The following TTC29 variants were observed in gnomAD, a reference collection of about 807,000 sequenced individuals.
TTC29 encodes the protein tetratricopeptide repeat protein 29.
TTC29 carries 49 observed loss-of-function variants against 58.1 expected under a neutral mutation model. That is an observed-to-expected ratio of 0.84 (90% CI 0.67 to 1.07). TTC29 has a LOEUF of 1.07. Among genes scored for constraint, TTC29 ranks in the 50% least tolerant of loss-of-function variants. The pLI, the probability that TTC29 is intolerant of heterozygous loss-of-function variation, is 0.00. For missense variants in TTC29, 582 were observed against 555.6 expected, an observed-to-expected ratio of 1.05 and a Z score of -0.48; for synonymous variants, 209 against 196.8, an observed-to-expected ratio of 1.06 and a Z score of -0.52.
At chr4:146,786,780 A>C (rs1749050997) in intron 11 of TTC29, among the ~76,000 whole-genome samples, 1 of 152,086 alleles carries the variant, frequency 6.6e-6, no homozygotes, top group African/African-American at 2.4e-5. Flanking sequence ...TTAGAAGCTA[A>C]TATTTAGGCC....
At chr4:146,795,761 A>G (rs747779181) in intron 11 of TTC29, among the ~76,000 whole-genome samples, 3 of 152,190 alleles carry the variant, frequency 2.0e-5, no homozygotes, top group Non-Finnish European at 4.4e-5. Flanking sequence ...TGGACCAAGA[A>G]CCACTAGAAT....
chr4:146,761,466 G>A (rs1746896409), intron 11 of TTC29, among the ~76,000 whole-genome samples: 1 of 151,806 alleles, frequency 6.6e-6, no homozygotes, highest in East Asian at 1.9e-4. Flanking sequence ...TTTAGTAATT[G>A]GTAATTTTTC....
chr4:146,786,918 G>A lies in TTC29; in HGVS notation c.1330+16539C>T, dbSNP rs544506299. ...GCTTGAGGCTAGGTGTTTGAGACCAGGCTAGGTAACATAGTAAAAACCCCA... is the reference window on the plus strand; with the variant it reads ...GCTTGAGGCTAGGTGTTTGAGACCAAGCTAGGTAACATAGTAAAAACCCCA... On this transcript the variant is annotated intron_variant, in intron 11 of 12. Coordinates refer to ENST00000325106, the MANE Select transcript of TTC29 (RefSeq NM_031956.4). 3.3e-5 allele frequency among the ~76,000 whole-genome samples: 5 copies of A among 151,992 alleles called. No individual in the cohort carries two copies. In the South Asian group the frequency reaches 1.0e-3, roughly 32 times the overall value.
chr4:146,864,675 G>A (rs1354203854), intron 8 of TTC29, among the ~76,000 whole-genome samples: 6 of 152,188 alleles, frequency 3.9e-5, no homozygotes, highest in African/African-American at 7.2e-5. Flanking sequence ...ATCTCCTGGC[G>A]GTTCCAGGGA....
chr4:146,834,310 G>T (rs1579789118), intron 8 of TTC29, among the ~76,000 whole-genome samples: 2 of 152,216 alleles, frequency 1.3e-5, no homozygotes, highest in African/African-American at 4.8e-5. Flanking sequence ...TATTTGAAAA[G>T]CATGAATTTA....
intron 7 of TTC29, among the ~76,000 whole-genome samples, chr4:146,868,707 T>C (rs1157162920): frequency 6.6e-6 from 1 of 152,154 alleles, no homozygotes; most frequent in African/African-American, 2.4e-5. Flanking sequence ...TGTGACTAAC[T>C]CCTGACTAAT....
At chr4:146,932,773 T>C (rs1001224868) in intron 4 of TTC29, among the ~76,000 whole-genome samples, 5 of 152,058 alleles carry the variant, frequency 3.3e-5, no homozygotes, top group African/African-American at 1.2e-4. Flanking sequence ...GATATGAAAG[T>C]AGGCCAGGCG....
chr4:146,823,233 T>C (rs1751963635), intron 9 of TTC29, among the ~76,000 whole-genome samples: 1 of 152,224 alleles, frequency 6.6e-6, no homozygotes, highest in Non-Finnish European at 1.5e-5. Flanking sequence ...TTTTATGGTT[T>C]GGGGTTTTAC....
chr4:146,923,194 T>A (rs565356429), intron 4 of TTC29, among the ~76,000 whole-genome samples: 22 of 151,888 alleles, frequency 1.4e-4, no homozygotes, highest in African/African-American at 5.1e-4. Context: ...TCTGAAAAAA[T>A]TTTTAATTTG....
At chr4:146,825,511 T>C (rs1291417802) in intron 9 of TTC29, among the ~76,000 whole-genome samples, 1 of 152,196 alleles carries the variant, frequency 6.6e-6, no homozygotes, top group Non-Finnish European at 1.5e-5. Context: ...TGAGGAGTGT[T>C]TTACTTCCAA....
intron 11 of TTC29, among the ~76,000 whole-genome samples, chr4:146,744,226 AAG>A (rs150088714): frequency 2.6e-5 from 4 of 151,060 alleles, no homozygotes; most frequent in African/African-American, 2.4e-5. Flanking sequence ...GCGTACGTGT[AAG>A]AGAGAGAGAG....
Position 146,939,795 on chromosome 4 carries a change from G to T in TTC29, c.92+9C>A. On this transcript the variant is annotated intron_variant, in intron 3 of 12. Transcript: ENST00000325106. ...TGTAGGAAAATAAGTAAAAACCAGG[G>T]GCACGTACCTTGGAATTTTTCTGGA... is the stretch of plus-strand genomic sequence containing the variant. The T allele has an allele frequency of 1.2e-6, 2 of 1,608,272 alleles. No homozygotes were observed. Among genetic ancestry groups the T allele is most frequent in the Non-Finnish European group, 8.5e-7 (1 of 1,177,528 alleles).
At chr4:146,793,915 A>C (rs1749649679) in intron 11 of TTC29, among the ~76,000 whole-genome samples, 1 of 152,200 alleles carries the variant, frequency 6.6e-6, no homozygotes, top group South Asian at 2.1e-4. Context: ...TTGCATGGTT[A>C]AATGAGACAG....
intron 4 of TTC29, among the ~76,000 whole-genome samples, chr4:146,909,466 A>G (rs552283094): frequency 6.6e-6 from 1 of 152,202 alleles, no homozygotes. Flanking sequence ...AGTAATTTTA[A>G]TGAAATTACA....
intron 10 of TTC29, among the ~76,000 whole-genome samples, chr4:146,816,958 AG>A (rs749380792): frequency 2.6e-5 from 4 of 152,164 alleles, no homozygotes; most frequent in Non-Finnish European, 5.9e-5. Flanking sequence ...GGTCTGGCAA[AG>A]GGGAATTGTT....
chr4:146,752,584 A>G (rs1157891064), intron 11 of TTC29, among the ~76,000 whole-genome samples: 2 of 151,814 alleles, frequency 1.3e-5, no homozygotes, highest in East Asian at 1.9e-4. Flanking sequence ...AAAAGAGCCC[A>G]CATTGCCAAG....
chr4:146,921,134 G>A (rs1180533970), intron 4 of TTC29, among the ~76,000 whole-genome samples: 1 of 151,422 alleles, frequency 6.6e-6, no homozygotes, highest in East Asian at 1.9e-4. Context: ...GAACAGTGAA[G>A]CCAGGAGTTT....
intron 11 of TTC29, among the ~76,000 whole-genome samples, chr4:146,761,213 C>T (rs1040061179): frequency 6.6e-5 from 10 of 151,794 alleles, no homozygotes; most frequent in Admixed American, 6.6e-4. Context: ...ACCACCTGAA[C>T]CCCAATAATA....
chr4:146,735,169 A>C (rs1372732149), intron 11 of TTC29, among the ~76,000 whole-genome samples: 2 of 152,142 alleles, frequency 1.3e-5, no homozygotes, highest in African/African-American at 2.4e-5. Context: ...CCCTGGACTC[A>C]AAGCCACCCC....
Sources: gnomAD v4.1 joint callset for allele counts (sites outside exome capture counted in the v4.1 genomes callset) on GRCh38, gnomAD v4.1.1 for gene constraint, MANE v1.5 for transcripts, NCBI Gene and HGNC (gene_info 2026-07-23, HGNC 2026-07-21) for gene names.